The following TAFA2 variants were observed in gnomAD, a reference collection of about 807,000 sequenced individuals.
TAFA2 encodes the protein chemokine-like protein TAFA-2.
A neutral mutation model predicts 18.8 loss-of-function variants in TAFA2; 7 were observed. The ratio of observed to expected loss-of-function variants is 0.37; its 90% CI spans 0.21 to 0.70. TAFA2 has a LOEUF of 0.70. Among genes scored for constraint, TAFA2 ranks in the 30% least tolerant of loss-of-function variants. The pLI is 0.53. For missense variants in TAFA2, 122 were observed against 158.1 expected (o/e 0.77, Z 1.23); for synonymous variants, 60 against 54.2 (o/e 1.11, Z -0.47).
intron 1 of TAFA2, among the ~76,000 whole-genome samples, chr12:62,069,491 C>A (rs779591957): frequency 1.3e-5 from 2 of 152,074 alleles, no homozygotes; most frequent in Non-Finnish European, 2.9e-5. Context: ...CTACGTACAC[C>A]AGGAGTACAG....
chr12:61,733,253 C>T (rs1868251821), intron 4 of TAFA2, among the ~76,000 whole-genome samples: 1 of 151,988 alleles, frequency 6.6e-6, no homozygotes, highest in South Asian at 2.1e-4. Flanking sequence ...GTTTCTTTTG[C>T]TGTGCAGAAG....
chr12:62,022,036 A>C, intron 1 of TAFA2: 2 of 618,516 alleles, frequency 3.2e-6, no homozygotes, highest in Admixed American at 1.9e-5. Flanking sequence ...CCTTATCAGC[A>C]TAAAGCTCTA....
chr12:61,824,437 T>A (rs1336141137), intron 2 of TAFA2, among the ~76,000 whole-genome samples: 1 of 152,200 alleles, frequency 6.6e-6, no homozygotes, highest in South Asian at 2.1e-4. Context: ...GTAATGTTGG[T>A]CTCTTCATTC....
chr12:62,107,004 C>T (rs775927106), intron 1 of TAFA2, among the ~76,000 whole-genome samples: 23 of 152,074 alleles, frequency 1.5e-4, no homozygotes, highest in Admixed American at 2.6e-4. Context: ...AAAAGCAGAA[C>T]GAGAAAGGTT....
chr12:61,885,668 T>A (rs577517157), intron 1 of TAFA2, among the ~76,000 whole-genome samples: 1 of 152,348 alleles, frequency 6.6e-6, no homozygotes, highest in African/African-American at 2.4e-5. Flanking sequence ...CATTAAAATA[T>A]AATTCAGAAG....
At chr12:61,919,094 T>C (rs1484581005) in intron 1 of TAFA2, among the ~76,000 whole-genome samples, 4 of 152,330 alleles carry the variant, frequency 2.6e-5, no homozygotes, top group Non-Finnish European at 4.4e-5. Context: ...TATTTTTGTT[T>C]TTCATTTTTA....
intron 1 of TAFA2, among the ~76,000 whole-genome samples, chr12:61,996,588 C>T (rs1339034400): frequency 1.3e-5 from 2 of 152,278 alleles, no homozygotes; most frequent in Admixed American, 6.5e-5. Context: ...ATGTACTATA[C>T]ACCAATTCTC....
chr12:62,083,700 T>C (rs561576358), intron 1 of TAFA2, among the ~76,000 whole-genome samples: 2 of 152,290 alleles, frequency 1.3e-5, no homozygotes, highest in East Asian at 3.9e-4. Flanking sequence ...GACAGAGAAA[T>C]GTGTCTTACA....
intron 1 of TAFA2, among the ~76,000 whole-genome samples, chr12:61,903,284 C>G (rs745666857): frequency 2.0e-5 from 3 of 152,108 alleles, no homozygotes; most frequent in Admixed American, 6.5e-5. Flanking sequence ...TCCTTCTCCC[C>G]CTCCCTCACT....
chr12:61,865,955 A>T (rs1201830070), intron 2 of TAFA2, among the ~76,000 whole-genome samples: 1 of 152,148 alleles, frequency 6.6e-6, no homozygotes, highest in East Asian at 1.9e-4. Context: ...CAGCTCTTTA[A>T]AAGATGAGTA....
chr12:61,980,684 T>C (rs1879601744), intron 1 of TAFA2, among the ~76,000 whole-genome samples: 3 of 152,208 alleles, frequency 2.0e-5, no homozygotes, highest in Middle Eastern at 6.8e-3. Context: ...GAGAGCCAAA[T>C]CATGAGTGAA....
chr12:62,122,645 T>C (rs1167483790), intron 1 of TAFA2, among the ~76,000 whole-genome samples: 1 of 152,210 alleles, frequency 6.6e-6, no homozygotes, highest in South Asian at 2.1e-4. Flanking sequence ...AGTCCATATA[T>C]ACCCACCGTA....
chr12:61,981,225 A>C (rs1879625116), intron 1 of TAFA2, among the ~76,000 whole-genome samples: 1 of 152,238 alleles, frequency 6.6e-6, no homozygotes, highest in African/African-American at 2.4e-5. Context: ...TTCCCTATTT[A>C]ATAAATGGTG....
chr12:62,224,864 G>A (rs73133487), intron 1 of TAFA2, among the ~76,000 whole-genome samples: 2,927 of 152,170 alleles, frequency 0.019, 40 homozygotes, highest in Non-Finnish European at 0.03. Flanking sequence ...TAAATTTTAC[G>A]TTATTTACAT....
Position 61,710,329 on chromosome 12 carries a change from C to T in TAFA2, c.*77G>A. ...CAAGTGGTATAAAAATCTTCAAGATCACCTCAGGAGTTGAGTTAAGTTTCT... is the reference window on the plus strand; with the variant it reads ...CAAGTGGTATAAAAATCTTCAAGATTACCTCAGGAGTTGAGTTAAGTTTCT... On this transcript the variant is annotated 3_prime_UTR_variant, in exon 5 of 5. Coordinates refer to ENST00000416284, the MANE Select transcript of TAFA2 (RefSeq NM_178539.5). 7.4e-7 allele frequency: 1 copy of T among 1,357,162 alleles called. No individual in the cohort carries two copies. Among genetic ancestry groups the T allele is most frequent in the South Asian group, 1.2e-5 (1 of 84,336 alleles). The allele number at this position is 1,357,162 out of a possible 1,614,324, so 84.1% of individuals were successfully genotyped here. A position where few individuals can be genotyped will look rare whatever the true frequency, so the allele number is the denominator to read the frequency against.
rs531211773 is a variant in TAFA2 at position 61,809,054 on chromosome 12, T to C, written c.107-54030A>G. ...AGTCTAGAAATAGATGAGTCACAGA[T>C]GACACCCAAGTTTGAAGTATGTGAA... On this transcript the variant is annotated intron_variant, in intron 2 of 4. Coordinates refer to ENST00000416284, the MANE Select transcript of TAFA2 (RefSeq NM_178539.5). Among the ~76,000 whole-genome samples the C allele has an allele frequency of 1.0e-3, 157 of 151,736 alleles. 1 individual carries two copies. The highest frequency in any genetic ancestry group is 1.5e-3 in the Non-Finnish European group (100 of 68,032).
chr12:61,723,295 C>T (rs1869990551), intron 4 of TAFA2, among the ~76,000 whole-genome samples: 1 of 152,048 alleles, frequency 6.6e-6, no homozygotes, highest in African/African-American at 2.4e-5. Context: ...TTTGTTTCGT[C>T]AGTGCTAAGC....
chr12:61,741,074 A>G (rs1255695259), intron 4 of TAFA2, among the ~76,000 whole-genome samples: 1 of 152,134 alleles, frequency 6.6e-6, no homozygotes, highest in African/African-American at 2.4e-5. Context: ...TAAAACTAAT[A>G]TACATTACTT....
intron 1 of TAFA2, among the ~76,000 whole-genome samples, chr12:62,025,971 A>C (rs1443488647): frequency 6.6e-6 from 1 of 152,142 alleles, no homozygotes; most frequent in Non-Finnish European, 1.5e-5. Context: ...AACATGGCAA[A>C]CAACCAACCC....
Sources: allele counts gnomAD v4.1 joint callset (sites outside exome capture counted in the v4.1 genomes callset), GRCh38; gene constraint gnomAD v4.1.1; transcripts MANE v1.5; gene names NCBI Gene and HGNC (gene_info 2026-07-23, HGNC 2026-07-21).